The following USP36 variants were observed in gnomAD, a reference collection of about 807,000 sequenced individuals.
USP36 encodes ubiquitin specific peptidase 36.
In USP36, 59 loss-of-function variants were observed where a neutral mutation model predicts 111.5. The ratio of observed to expected loss-of-function variants is 0.53; its 90% confidence interval spans 0.43 to 0.66. The LOEUF (loss-of-function observed/expected upper bound fraction) is 0.66. USP36 is among the 30% of genes least tolerant of loss of function. The pLI is 0.00. For missense variants in USP36, 1,488 were observed against 1,468.0 expected, an observed-to-expected ratio of 1.01 and a Z score of -0.22; for synonymous variants, 628 against 581.0, an observed-to-expected ratio of 1.08 and a Z score of -1.16.
chr17:78,826,912 G>T lies in USP36; in HGVS notation c.689+333C>A, dbSNP rs2067593648. The T allele has an allele frequency of 8.4e-6, 5 of 592,762 alleles. No homozygotes were observed. The South Asian group carries it at 1.0e-4, about 12-fold the overall frequency. 36.7% of individuals were successfully genotyped at this position (592,762 alleles called of 1,614,324 possible). A position where few individuals can be genotyped will look rare whatever the true frequency, so the allele number is the denominator to read the frequency against. Reference sequence around the variant, plus strand: ...TTTTTAAGAGACTGAAAAAGTCCATGGTAAGAACTGAATGCCCCTAAGAAG... The same window carrying T: ...TTTTTAAGAGACTGAAAAAGTCCATTGTAAGAACTGAATGCCCCTAAGAAG... On this transcript the variant is annotated intron_variant, in intron 6 of 20. Coordinates refer to ENST00000449938, the MANE Select transcript of USP36 (RefSeq NM_001385174.1).
chr17:78,819,367 T>C lies in USP36; in HGVS notation c.911+563A>G, dbSNP rs546681417. ...CAGGAAGATCACCTGAGTTCAGGAG[T>C]TCGAGACCAGCCTGGCCAACAAGGT... On this transcript the variant is annotated intron_variant, in intron 9 of 20. Coordinates refer to ENST00000449938, the MANE Select transcript of USP36 (RefSeq NM_001385174.1). Among the ~76,000 whole-genome samples the C allele has an allele frequency of 3.3e-5, 5 of 152,276 alleles. No homozygotes were observed. The East Asian group carries it at 9.6e-4, about 29-fold the overall frequency.
chr17:78,819,721 G>T (rs1039089238), intron 9 of USP36, among the ~76,000 whole-genome samples: 4 of 152,228 alleles, frequency 2.6e-5, no homozygotes, highest in Non-Finnish European at 5.9e-5. Flanking sequence ...TTTAGAACAG[G>T]TATGGTGTAA....
At chr17:78,805,098 A>T (rs1016219088) in intron 15 of USP36, among the ~76,000 whole-genome samples, 5 of 152,104 alleles carry the variant, frequency 3.3e-5, no homozygotes, top group Non-Finnish European at 5.9e-5. Flanking sequence ...TCTCTAGGAA[A>T]ATTAACTTCC....
chr17:78,803,651 C>A lies in USP36; in HGVS notation c.2544G>T (p.Lys848Asn). The A allele has an allele frequency of 6.2e-7, 1 of 1,609,156 alleles. No individual in the cohort carries two copies. Among genetic ancestry groups the A allele is most frequent in the Non-Finnish European group, 8.5e-7 (1 of 1,178,654 alleles). Reference sequence around the variant, plus strand: ...CAGCTGTGTCCTCCGGGCGCTTCTTCTTCTTCCTCTTCCTCTTCCCGTGGG... The same window carrying A: ...CAGCTGTGTCCTCCGGGCGCTTCTTATTCTTCCTCTTCCTCTTCCCGTGGG... The part of the protein sequence containing the change: ...AAPHGKRKRK[K>N]KKRPEDTAAS... The change falls in exon 16 of 21, where the codon AAG becomes AAT. Residue 848 changes from lysine to asparagine, a missense_variant. By Grantham distance (94) the Lys-to-Asn change is moderately conservative. Around this residue, in one of 3 missense-constraint regions of USP36, gnomAD observed 1,073 missense variants for 994.1 expected, o/e 1.08. Coordinates refer to ENST00000449938, the MANE Select transcript of USP36 (RefSeq NM_001385174.1). This position sits in a 1 kb window ranked among gnomAD's most constrained non-coding sequence, Gnocchi z 4.6.
rs768866105 is a variant in USP36, at chr17:78,803,652, T to C, written c.2543A>G (p.Lys848Arg). 7 of 1,609,986 alleles carry C rather than the reference T, an allele frequency of 4.3e-6. No individual in the cohort carries two copies. The highest frequency in any genetic ancestry group is 5.9e-6 in the Non-Finnish European group (7 of 1,178,852). The change falls in exon 16 of 21, where the codon AAG (lysine) becomes AGG (arginine). Residue 848 changes from lysine (K) to arginine (R), a missense_variant. Lys to Arg is a conservative substitution (Grantham distance 26, BLOSUM62 2). Coordinates refer to ENST00000449938, the MANE Select transcript of USP36 (RefSeq NM_001385174.1). The surrounding 1 kb of genome is among the most constrained non-coding windows in gnomAD (Gnocchi z 4.6). ...AGCTGTGTCCTCCGGGCGCTTCTTC[T>C]TCTTCCTCTTCCTCTTCCCGTGGGG... is the stretch of plus-strand genomic sequence containing the variant. ...AAPHGKRKRKKKKRPEDTAAS... is the reference protein window; with the variant it reads ...AAPHGKRKRKRKKRPEDTAAS...
At chr17:78,839,860 G>A (rs905111272) in intron 1 of USP36, among the ~76,000 whole-genome samples, 2 of 152,198 alleles carry the variant, frequency 1.3e-5, no homozygotes, top group African/African-American at 4.8e-5. Flanking sequence ...GCTCTCTCTT[G>A]TCCAAGGACA....
downstream of USP36, among the ~76,000 whole-genome samples, chr17:78,791,010 A>G (rs1277236905): frequency 6.6e-6 from 1 of 152,208 alleles, no homozygotes; most frequent in Non-Finnish European, 1.5e-5. Flanking sequence ...TGAGAGTGAC[A>G]GCTGACAATC....
rs777255941 is a variant in USP36 at position 78,813,019 on chromosome 17, C to G, written c.1266-18G>C. 3.7e-6 allele frequency: 6 copies of G among 1,613,430 alleles called. No homozygotes were observed. Among genetic ancestry groups the G allele is most frequent in the South Asian group, 2.2e-5 (2 of 91,054 alleles). ...CTGGAATTCTGTCAAAGGAAGAAAA[C>G]AAGTAGGGAATTCTCTTACTAGGCA... is the stretch of plus-strand genomic sequence containing the variant. On this transcript the variant is annotated intron_variant, in intron 12 of 20. Transcript: ENST00000449938.
In USP36 at chr17:78,795,890, G is replaced by A. The variant is rs898307507; in HGVS notation, c.*2010C>T. 2 of 152,258 alleles carry A rather than the reference G, an allele frequency of 1.3e-5. No individual in the cohort carries two copies. The highest frequency in any genetic ancestry group is 1.3e-4 in the Admixed American group (2 of 15,284). The allele number at this position is 152,258 out of a possible 1,614,324, so 9.4% of individuals were successfully genotyped here. A position where few individuals can be genotyped will look rare whatever the true frequency, so the allele number is the denominator to read the frequency against. On this transcript the variant is annotated 3_prime_UTR_variant, in exon 21 of 21. Coordinates refer to ENST00000449938, the MANE Select transcript of USP36 (RefSeq NM_001385174.1). The surrounding 1 kb of genome is among the most constrained non-coding windows in gnomAD (Gnocchi z 4.5). ...AAAATTCAACAGACCCAGATCCTAAGTCAACCAAGTGACTGCTATGACAAA... is the reference window on the plus strand; with the variant it reads ...AAAATTCAACAGACCCAGATCCTAAATCAACCAAGTGACTGCTATGACAAA...
chr17:78,823,596 G>A (rs564371060), intron 6 of USP36, among the ~76,000 whole-genome samples: 1 of 152,172 alleles, frequency 6.6e-6, no homozygotes, highest in South Asian at 2.1e-4. Flanking sequence ...CGGAATCACA[G>A]CTGCAAAGGG....
chr17:78,817,536 C>G (rs2094216412), intron 10 of USP36, among the ~76,000 whole-genome samples: 1 of 152,058 alleles, frequency 6.6e-6, no homozygotes, highest in South Asian at 2.1e-4. Flanking sequence ...AGGCGGATCA[C>G]CTGAGCTCAG....
intron 4 of USP36, among the ~76,000 whole-genome samples, chr17:78,829,464 G>A (rs1260642932): frequency 3.9e-5 from 6 of 152,186 alleles, no homozygotes; most frequent in African/African-American, 9.7e-5. Context: ...ATATGGGACC[G>A]TCTGTTCCAC....
downstream of USP36, among the ~76,000 whole-genome samples, chr17:78,791,565 C>A (rs2093584636): frequency 6.6e-6 from 1 of 152,194 alleles, no homozygotes; most frequent in African/African-American, 2.4e-5. Flanking sequence ...CTGCTAAGAA[C>A]AAGCACATTT....
chr17:78,828,911 A>G lies in USP36; in HGVS notation c.572T>C (p.Ile191Thr), dbSNP rs1402824647. The change falls in exon 5 of 21, where the codon ATC becomes ACC. Residue 191 changes from isoleucine (I) to threonine (T), a missense_variant. By Grantham distance (89) the Ile-to-Thr change is moderately conservative. This residue lies in a region of USP36 where 196 missense variants were observed against 264.4 expected (regional missense o/e 0.74). Transcript: ENST00000449938. ...TTGATGCTTACTTTTCAGGTCTCGG[A>G]TGAAGGAGACGGGCTTGATGGCGTT... is the stretch of plus-strand genomic sequence containing the variant. ...SGNAIKPVSF[I>T]RDLKKIARHF... 2.5e-5 allele frequency: 40 copies of G among 1,614,074 alleles called. No homozygotes were observed. Among genetic ancestry groups the G allele is most frequent in the Non-Finnish European group, 8.5e-7 (1 of 1,180,034 alleles).
chr17:78,817,802 C>T (rs1032714501), intron 10 of USP36, among the ~76,000 whole-genome samples: 4 of 151,616 alleles, frequency 2.6e-5, no homozygotes, highest in South Asian at 2.1e-4. Context: ...CACTATAGGC[C>T]AGGTATGGTG....
In USP36 at chr17:78,806,196, G is replaced by A. The variant is rs760114925; in HGVS notation, c.2176C>T (p.His726Tyr). The A allele has an allele frequency of 6.2e-7, 1 of 1,613,604 alleles. No individual in the cohort carries two copies. Among genetic ancestry groups the A allele is most frequent in the South Asian group, 1.1e-5 (1 of 91,034 alleles). ...SDLTHPMKTS[H>Y]PVVASTWPVH... is the part of the protein sequence containing the mutation. Reference sequence around the variant, plus strand: ...GGCCAAGTGGAGGCAACGACGGGGTGAGAGGTTTTCATGGGGTGGGTGAGG... The same window carrying A: ...GGCCAAGTGGAGGCAACGACGGGGTAAGAGGTTTTCATGGGGTGGGTGAGG... Residue 726 changes from histidine to tyrosine, a missense_variant, in exon 15 of 21, where the codon CAC becomes TAC. Physicochemically the swap from His to Tyr is moderately conservative, Grantham distance 83. This residue lies in a region of USP36 where 1,073 missense variants were observed against 994.1 expected (regional missense o/e 1.08). Coordinates refer to ENST00000449938, the MANE Select transcript of USP36 (RefSeq NM_001385174.1).
intron 13 of USP36, among the ~76,000 whole-genome samples, chr17:78,811,297 G>A (rs890778984): frequency 1.3e-5 from 2 of 152,146 alleles, no homozygotes; most frequent in African/African-American, 4.8e-5. Context: ...GTAACTTAGA[G>A]GGTAGTTCCT....
intron 11 of USP36, 84 bp downstream of exon 11, chr17:78,814,328 A>G: frequency 6.5e-7 from 1 of 1,536,648 alleles, no homozygotes; most frequent in Non-Finnish European, 8.8e-7. Flanking sequence ...TCACAAAGTA[A>G]GTGCTCTACA....
intron 15 of USP36, among the ~76,000 whole-genome samples, chr17:78,805,773 C>T (rs2093882464): frequency 6.6e-6 from 1 of 152,218 alleles, no homozygotes; most frequent in African/African-American, 2.4e-5. Context: ...ACTCCGAGCT[C>T]ACTCAAGCCT....
Sources: allele counts gnomAD v4.1 joint callset (sites outside exome capture counted in the v4.1 genomes callset), GRCh38; gene constraint gnomAD v4.1.1; regional missense constraint gnomAD v4.1.1; non-coding constraint Gnocchi (gnomAD v3.1); transcripts MANE v1.5; gene names NCBI Gene and HGNC (gene_info 2026-07-23, HGNC 2026-07-21).